RAB10: variants seen among roughly 807,000 people sequenced by gnomAD.
RAB10 encodes RAB10, member RAS oncogene family, also known as ras-related protein Rab-10.
A neutral mutation model predicts 25.7 loss-of-function variants in RAB10; 5 were observed. That is an observed-to-expected ratio of 0.19 (90% confidence interval 0.10 to 0.41). RAB10 has a LOEUF of 0.41. Ranked by LOEUF, RAB10 falls within the 10% of genes least tolerant of loss-of-function variation. The pLI, the probability that RAB10 is intolerant of heterozygous loss-of-function variation, is 1.00. For synonymous variants in RAB10, 89 were observed against 86.4 expected (o/e 1.03, Z -0.16); for missense variants, 103 against 245.8 (o/e 0.42, Z 3.89).
At position 26,060,523 on chromosome 2, in the gene RAB10, C is replaced by T. The variant is rs535149523; in HGVS notation, c.127+25788C>T. Among the ~76,000 whole-genome samples the T allele has an allele frequency of 1.7e-4, 26 of 152,212 alleles. No individual in the cohort carries two copies. The East Asian group carries it at 1.9e-3, about 11-fold the overall frequency. On this transcript the variant is annotated intron_variant, in intron 1 of 5. Coordinates refer to ENST00000264710, the MANE Select transcript of RAB10 (RefSeq NM_016131.5). ...TAGCCAGGTCTCGATCTCCTGACCT[C>T]GTGATCTGCCCGCCTCGGCCTCCCA... is the stretch of plus-strand genomic sequence containing the variant.
chr2:26,079,640 TCCTCCCTTTTCTC>T (rs980077651), intron 1 of RAB10, among the ~76,000 whole-genome samples: 5 of 143,588 alleles, frequency 3.5e-5, no homozygotes, highest in African/African-American at 7.7e-5. Context: ...CCTCCATCCC[TCCTCCCTTTTCTC>T]CCTCCCTTTT....
Position 26,109,854 on chromosome 2 carries a change from C to A in RAB10, c.275C>A (p.Thr92Asn). ...AMGIMLVYDI[T>N]NGKSFENISK... Reference sequence around the variant, plus strand: ...GGTATCATGCTAGTATATGACATCACCAATGGTAAAAGTTTTGAAAACATC... The same window carrying A: ...GGTATCATGCTAGTATATGACATCAACAATGGTAAAAGTTTTGAAAACATC... The change falls in exon 3 of 6, where the codon ACC (threonine) becomes AAC (asparagine). Residue 92 changes from threonine to asparagine, a missense_variant. Physicochemically the swap from Thr to Asn is moderately conservative, Grantham distance 65. This residue lies in a region of RAB10 where 79 missense variants were observed against 217.8 expected (regional missense o/e 0.36). Coordinates refer to ENST00000264710, the MANE Select transcript of RAB10 (RefSeq NM_016131.5). The A allele has an allele frequency of 6.2e-7, 1 of 1,610,050 alleles. No individual in the cohort carries two copies. Among genetic ancestry groups the A allele is most frequent in the Non-Finnish European group, 8.5e-7 (1 of 1,178,286 alleles).
At chr2:26,045,433 G>A (rs1665980661) in intron 1 of RAB10, among the ~76,000 whole-genome samples, 1 of 151,840 alleles carries the variant, frequency 6.6e-6, no homozygotes, top group African/African-American at 2.4e-5. Context: ...TAGAGGCGGG[G>A]TTTCACTGTG....
At chr2:26,079,401 A>G (rs1666816868) in intron 1 of RAB10, among the ~76,000 whole-genome samples, 1 of 152,070 alleles carries the variant, frequency 6.6e-6, no homozygotes, top group Admixed American at 6.6e-5. Context: ...ATTTGTAGAT[A>G]ATGACAGCTG....
rs1667487260 is a variant in RAB10, at chr2:26,107,372, C to G, written c.189-2396C>G. Among the ~76,000 whole-genome samples, 3 of 151,564 alleles carry G rather than the reference C, an allele frequency of 2.0e-5. No homozygotes were observed. The South Asian group carries it at 6.2e-4, about 31-fold the overall frequency. On this transcript the variant is annotated intron_variant, in intron 2 of 5. Transcript: ENST00000264710. ...CACAAAATTAAAAGCTTCCTCTCTACAAAATACCCTGTCAAGGGAATGAAA... is the reference window on the plus strand; with the variant it reads ...CACAAAATTAAAAGCTTCCTCTCTAGAAAATACCCTGTCAAGGGAATGAAA...
Position 26,104,960 on chromosome 2 carries a change from G to T in RAB10, c.189-4808G>T, listed in dbSNP as rs377229210. 5.9e-5 allele frequency among the ~76,000 whole-genome samples: 9 copies of T among 151,956 alleles called. No homozygotes were observed. In the East Asian group the frequency reaches 1.7e-3, roughly 29 times the overall value. ...CACTGTGTTAGCCAGGATGGTCTCA[G>T]TCTCCTGACCTCGTGATCCACCCGC... is the stretch of plus-strand genomic sequence containing the variant. On this transcript the variant is annotated intron_variant, in intron 2 of 5. Coordinates refer to ENST00000264710, the MANE Select transcript of RAB10 (RefSeq NM_016131.5).
chr2:26,096,418 A>ATGGC (rs1212059290), intron 1 of RAB10, among the ~76,000 whole-genome samples: 6 of 104,830 alleles, frequency 5.7e-5, no homozygotes, highest in African/African-American at 1.0e-4. Context: ...GGCTGGATGG[A>ATGGC]TGGCTGGCTG....
At chr2:26,102,631 G>C (rs988619563) in intron 2 of RAB10, among the ~76,000 whole-genome samples, 1 of 151,914 alleles carries the variant, frequency 6.6e-6, no homozygotes, top group African/African-American at 2.4e-5. Flanking sequence ...GTAGAGACGG[G>C]GTTTCACCGT....
At chr2:26,064,684 A>G (rs1666477886) in intron 1 of RAB10, among the ~76,000 whole-genome samples, 2 of 152,178 alleles carry the variant, frequency 1.3e-5, no homozygotes, top group Non-Finnish European at 2.9e-5. Flanking sequence ...TGAACAAATT[A>G]TTCAACAGAT....
intron 1 of RAB10, among the ~76,000 whole-genome samples, chr2:26,055,388 C>T (rs559682601): frequency 2.4e-4 from 36 of 149,704 alleles, no homozygotes; most frequent in African/African-American, 7.1e-4. Context: ...CCACACTTGG[C>T]TAATTTTTTT....
intron 1 of RAB10, among the ~76,000 whole-genome samples, chr2:26,080,447 A>G (rs906200456): frequency 2.0e-5 from 3 of 151,560 alleles, no homozygotes; most frequent in African/African-American, 7.3e-5. Flanking sequence ...TTCTCCAATA[A>G]TTTTTTTTTG....
At chr2:26,129,247 G>T (rs1667964646) in intron 5 of RAB10, among the ~76,000 whole-genome samples, 1 of 141,470 alleles carries the variant, frequency 7.1e-6, no homozygotes, top group African/African-American at 2.8e-5. Context: ...GCCAGCTTGG[G>T]GACAGACCAA....
chr2:26,112,728 G>A (rs1468246474), intron 3 of RAB10, among the ~76,000 whole-genome samples: 2 of 152,104 alleles, frequency 1.3e-5, no homozygotes, highest in African/African-American at 2.4e-5. Flanking sequence ...ATACCACTGT[G>A]CTTCAGCCTG....
chr2:26,125,786 C>T (rs115822296), intron 3 of RAB10, among the ~76,000 whole-genome samples: 110 of 152,214 alleles, frequency 7.2e-4, no homozygotes, highest in African/African-American at 2.5e-3. Context: ...CTTTCAAATA[C>T]ATGATTTACA....
At chr2:26,134,336 T>G (rs1668066721) in intron 5 of RAB10, among the ~76,000 whole-genome samples, 1 of 152,102 alleles carries the variant, frequency 6.6e-6, no homozygotes, top group Non-Finnish European at 1.5e-5. Flanking sequence ...CAACGTGGTT[T>G]TAGCTCCTGG....
chr2:26,133,144 G>C (rs1668043202), intron 5 of RAB10, among the ~76,000 whole-genome samples: 1 of 152,102 alleles, frequency 6.6e-6, no homozygotes, highest in South Asian at 2.1e-4. Flanking sequence ...AACTAGGCTT[G>C]TCTTAGGCTA....
chr2:26,044,032 A>G (rs1485421322), intron 1 of RAB10, among the ~76,000 whole-genome samples: 1 of 152,216 alleles, frequency 6.6e-6, no homozygotes, highest in Non-Finnish European at 1.5e-5. Flanking sequence ...AAAACAACGC[A>G]TTACAGTTTT....
At chr2:26,096,871 A>G (rs982551852) in intron 1 of RAB10, among the ~76,000 whole-genome samples, 1 of 152,128 alleles carries the variant, frequency 6.6e-6, no homozygotes, top group Admixed American at 6.6e-5. Context: ...AATATTTGGG[A>G]GTTTTCCCAG....
chr2:26,084,806 A>G (rs1191211622), intron 1 of RAB10, among the ~76,000 whole-genome samples: 1 of 152,108 alleles, frequency 6.6e-6, no homozygotes, highest in African/African-American at 2.4e-5. Context: ...TTAAGAATTC[A>G]TGTATTTTTA....
Sources: gnomAD v4.1 joint callset for allele counts (sites outside exome capture counted in the v4.1 genomes callset) on GRCh38, gnomAD v4.1.1 for gene constraint, gnomAD v4.1.1 regional missense constraint, MANE v1.5 for transcripts, NCBI Gene and HGNC (gene_info 2026-07-23, HGNC 2026-07-21) for gene names.